The following DBX2 variants were observed in gnomAD, a reference collection of about 807,000 sequenced individuals.
DBX2 encodes the protein homeobox protein DBX2.
Under a neutral mutation model 17.7 loss-of-function variants are expected in DBX2, and 16 were observed. The ratio of observed to expected loss-of-function variants is 0.90; its 90% CI spans 0.61 to 1.37. DBX2 has a LOEUF of 1.37. DBX2 is among the 40% of genes most tolerant of loss of function. The pLI is 0.00. For synonymous variants in DBX2, 255 were observed against 183.8 expected (o/e 1.39, Z -3.13); for missense variants, 538 against 433.8 (o/e 1.24, Z -2.13).
rs1243435794 is a variant in DBX2 at position 45,039,276 on chromosome 12, GGTATATATATATAT to G, written c.404-3176_404-3163del. On this transcript the variant is annotated intron_variant, in intron 1 of 3. Transcript: ENST00000332700. ...ATTTAAAACAATGCACTGCATTGAAGGTATATATATATATATATATATATATATATATATATATA... is the reference window on the plus strand; with the variant it reads ...ATTTAAAACAATGCACTGCATTGAAGATATATATATATATATATATATATA... 6.0e-5 allele frequency among the ~76,000 whole-genome samples: 4 copies of G among 66,424 alleles called. 1 individual carries two copies. The highest frequency in any genetic ancestry group is 2.6e-4 in the African/African-American group (4 of 15,460). 43.6% of individuals were successfully genotyped at this position (66,424 alleles called of 152,430 possible).
At chr12:45,045,231 A>T (rs2137032549) in intron 1 of DBX2, among the ~76,000 whole-genome samples, 1 of 152,302 alleles carries the variant, frequency 6.6e-6, no homozygotes. Context: ...TGTATATATA[A>T]AGAAAAACTA....
intron 1 of DBX2, among the ~76,000 whole-genome samples, chr12:45,049,864 C>A (rs1284731804): frequency 6.6e-6 from 1 of 152,120 alleles, no homozygotes; most frequent in Non-Finnish European, 1.5e-5. Flanking sequence ...TCGGTAAATT[C>A]TTATTTATTG....
rs1314868507 is a variant in DBX2, at chr12:45,015,025, TAA to T, written c.*1259_*1260del. 2.6e-5 allele frequency: 4 copies of T among 152,212 alleles called. No homozygotes were observed. Among genetic ancestry groups the T allele is most frequent in the Admixed American group, 6.5e-5 (1 of 15,284 alleles). The allele number at this position is 152,212 out of a possible 1,614,324, so 9.4% of individuals were successfully genotyped here. On this transcript the variant is annotated 3_prime_UTR_variant, in exon 4 of 4. Transcript: ENST00000332700. The stretch of plus-strand genomic sequence containing the variant: ...ATAGTGTTTCTTGTCCACAGATTGA[TAA>T]GAGTTTAATGCAAAACCACATCATT...
At chr12:45,046,992 T>C (rs922510680) in intron 1 of DBX2, among the ~76,000 whole-genome samples, 11 of 152,292 alleles carry the variant, frequency 7.2e-5, no homozygotes, top group Middle Eastern at 6.8e-3. Context: ...GGAAATTATA[T>C]TCAGGAAATT....
intron 2 of DBX2, among the ~76,000 whole-genome samples, chr12:45,025,849 C>A (rs1312588689): frequency 6.8e-6 from 1 of 146,106 alleles, no homozygotes; most frequent in African/African-American, 2.6e-5. Context: ...TATAAAAGAA[C>A]AATACCGTTT....
chr12:45,021,099 C>A (rs1217606497), intron 3 of DBX2, among the ~76,000 whole-genome samples: 1 of 151,856 alleles, frequency 6.6e-6, no homozygotes, highest in Non-Finnish European at 1.5e-5. Context: ...GATATATTTA[C>A]AAATAAGACT....
chr12:45,028,025 C>G (rs1946390480), intron 2 of DBX2, among the ~76,000 whole-genome samples: 2 of 152,208 alleles, frequency 1.3e-5, no homozygotes, highest in South Asian at 4.1e-4. Flanking sequence ...CAAGAGAGAG[C>G]AGCACCTAGA....
At chr12:45,048,894 C>A (rs1238388569) in intron 1 of DBX2, among the ~76,000 whole-genome samples, 5 of 152,094 alleles carry the variant, frequency 3.3e-5, no homozygotes, top group African/African-American at 1.2e-4. Flanking sequence ...ATTCTTACAA[C>A]CCTCGTAATT....
At chr12:45,028,812 A>C (rs1946394592) in intron 2 of DBX2, among the ~76,000 whole-genome samples, 1 of 152,128 alleles carries the variant, frequency 6.6e-6, no homozygotes, top group Non-Finnish European at 1.5e-5. Flanking sequence ...AAAGTAAAGA[A>C]TATTATATTC....
chr12:45,018,156 C>T (rs1946333278), intron 3 of DBX2, among the ~76,000 whole-genome samples: 1 of 152,156 alleles, frequency 6.6e-6, no homozygotes, highest in Non-Finnish European at 1.5e-5. Context: ...TATTCATTAA[C>T]TCATTTATTG....
intron 2 of DBX2, among the ~76,000 whole-genome samples, chr12:45,031,128 C>G (rs1946406752): frequency 6.6e-6 from 1 of 151,448 alleles, no homozygotes; most frequent in Admixed American, 6.6e-5. Context: ...GTTGCAACTT[C>G]CTACCTCCTA....
At chr12:45,041,603 G>A (rs549953793) in intron 1 of DBX2, among the ~76,000 whole-genome samples, 6 of 152,200 alleles carry the variant, frequency 3.9e-5, no homozygotes, top group South Asian at 2.1e-4. Context: ...AGAGAAGCCC[G>A]CATTTTTTGC....
At chr12:45,043,576 G>C (rs1946483371) in intron 1 of DBX2, among the ~76,000 whole-genome samples, 3 of 152,314 alleles carry the variant, frequency 2.0e-5, no homozygotes, top group African/African-American at 7.2e-5. Flanking sequence ...GATGGCATCA[G>C]TGCCAGCCAT....
chr12:45,031,751 T>C (rs1001963002), intron 2 of DBX2, among the ~76,000 whole-genome samples: 4 of 152,214 alleles, frequency 2.6e-5, no homozygotes, highest in African/African-American at 9.6e-5. Context: ...CTGATGTCTC[T>C]TGTTCTGGAT....
At chr12:45,046,194 C>T (rs1946499169) in intron 1 of DBX2, among the ~76,000 whole-genome samples, 1 of 152,214 alleles carries the variant, frequency 6.6e-6, no homozygotes, top group East Asian at 1.9e-4. Context: ...TGTTTATTAA[C>T]TTAGGGACCA....
chr12:45,044,143 A>G (rs1002719449), intron 1 of DBX2, among the ~76,000 whole-genome samples: 1 of 152,234 alleles, frequency 6.6e-6, no homozygotes, highest in South Asian at 2.1e-4. Flanking sequence ...CACAGTCTCC[A>G]TTATGACTAT....
At chr12:45,020,703 A>T (rs1407997225) in intron 3 of DBX2, among the ~76,000 whole-genome samples, 1 of 150,896 alleles carries the variant, frequency 6.6e-6, no homozygotes, top group South Asian at 2.1e-4. Context: ...ACACACACAC[A>T]CACAATTCTC....
chr12:45,044,090 T>C (rs1946486263), intron 1 of DBX2, among the ~76,000 whole-genome samples: 1 of 142,492 alleles, frequency 7.0e-6, no homozygotes, highest in Non-Finnish European at 1.6e-5. Context: ...CATACTTCTA[T>C]TATAAAAAGC....
At chr12:45,019,619 C>T (rs909942396) in intron 3 of DBX2, among the ~76,000 whole-genome samples, 1 of 152,070 alleles carries the variant, frequency 6.6e-6, no homozygotes, top group Admixed American at 6.5e-5. Context: ...CACTCTCTTA[C>T]AAAATATTTT....
Sources: allele counts gnomAD v4.1 joint callset (sites outside exome capture counted in the v4.1 genomes callset), GRCh38; gene constraint gnomAD v4.1.1; transcripts MANE v1.5; gene names NCBI Gene and HGNC (gene_info 2026-07-23, HGNC 2026-07-21).